Variants in MYOM3 observed in about 807,000 individuals in gnomAD.
MYOM3 encodes the protein myomesin-3.
Under a neutral mutation model 191.7 loss-of-function variants are expected in MYOM3, and 155 were observed. The ratio of observed to expected loss-of-function variants is 0.81; its 90% CI spans 0.71 to 0.92. The LOEUF is 0.92. MYOM3 is among the 40% of genes least tolerant of loss of function. The probability of loss-of-function intolerance (pLI) is 0.00; values close to 1 mark genes in which losing one functional copy is unlikely to be tolerated. For synonymous variants in MYOM3, 757 were observed against 762.9 expected (o/e 0.99, Z 0.13); for missense variants, 1,889 against 1,890.6 (o/e 1.00, Z 0.02).
chr1:24,074,330 C>A, intron 22 of MYOM3, 61 bp from the exon 23 acceptor site: 1 of 1,329,826 alleles, frequency 7.5e-7, no homozygotes. Context: ...GCACTAGAGG[C>A]CTGGGAGCCA....
chr1:24,093,439 A>G (rs553993739), intron 9 of MYOM3, among the ~76,000 whole-genome samples: 74 of 151,966 alleles, frequency 4.9e-4, no homozygotes, highest in Admixed American at 9.2e-4. Context: ...GGGTCCCTGT[A>G]TGGGGTCAGG....
intron 36 of MYOM3, 115 bp downstream of exon 36, chr1:24,058,809 A>T: frequency 1.3e-6 from 1 of 775,104 alleles, no homozygotes. Flanking sequence ...AGGTGTGGTC[A>T]CTTGGCCACT....
rs1184322208 is a variant in MYOM3 at position 24,097,814 on chromosome 1, A to G, written c.745+109T>C. On this transcript the variant is annotated intron_variant, in intron 7 of 36. Transcript: ENST00000374434. The stretch of plus-strand genomic sequence containing the variant: ...CTGGTCACCCAATGCCAGGCTGAAC[A>G]GCCTTGTGCCTATGGCCCTTCCTCA... 2.2e-5 allele frequency: 18 copies of G among 802,590 alleles called. No individual in the cohort carries two copies. In the East Asian group the frequency reaches 4.4e-4, roughly 20 times the overall value. 49.7% of individuals were successfully genotyped at this position (802,590 alleles called of 1,614,324 possible). A position where few individuals can be genotyped will look rare whatever the true frequency, so the allele number is the denominator to read the frequency against.
intron 27 of MYOM3, 87 bp downstream of exon 27, chr1:24,067,883 G>T: frequency 1.5e-6 from 2 of 1,331,936 alleles, no homozygotes; most frequent in Non-Finnish European, 1.1e-6. Flanking sequence ...GACCCAGCAG[G>T]GCTGGGGTTC....
intron 29 of MYOM3, chr1:24,064,418 C>G (rs1469348812): frequency 4.3e-6 from 2 of 467,372 alleles, no homozygotes; most frequent in African/African-American, 4.0e-5. Context: ...GAGTTGAGGA[C>G]AGAACCAGAC....
At chr1:24,108,227 T>C (rs1430155039) in intron 2 of MYOM3, 154 bp from the exon 3 acceptor site, 4 of 751,828 alleles carry the variant, frequency 5.3e-6, no homozygotes, top group East Asian at 2.8e-5. Context: ...CAAGGCTGCA[T>C]CCCCCCGACC....
intron 3 of MYOM3, 32 bp downstream of exon 3, chr1:24,107,961 C>A: frequency 6.3e-7 from 1 of 1,595,966 alleles, no homozygotes; most frequent in Non-Finnish European, 8.6e-7. Flanking sequence ...CCCTCCTCAG[C>A]CACGGCTCCC....
intron 11 of MYOM3, among the ~76,000 whole-genome samples, chr1:24,091,646 C>T (rs773704685): frequency 1.3e-5 from 2 of 152,174 alleles, no homozygotes; most frequent in African/African-American, 4.8e-5. Context: ...TCCCCCTCCC[C>T]TTTAGAGACG....
chr1:24,063,021 A>ACCAG lies in MYOM3; in HGVS notation c.3770+104_3770+105insCTGG. The ACCAG allele has an allele frequency of 1.1e-5, 1 of 90,660 alleles. No homozygotes were observed. The highest frequency in any genetic ancestry group is 1.3e-4 in the South Asian group (1 of 7,440). 5.6% of individuals were successfully genotyped at this position (90,660 alleles called of 1,614,324 possible). A position where few individuals can be genotyped will look rare whatever the true frequency, so the allele number is the denominator to read the frequency against. ...ACCAGGCTCTGCTTGGGGGACCAGA[A>ACCAG]ACTCTGCTTGGAGGACCAGGCAGGG... On this transcript the variant is annotated intron_variant, in intron 32 of 36. Transcript: ENST00000374434. The surrounding 1 kb of genome is among the most constrained non-coding windows in gnomAD (Gnocchi z 4.5).
chr1:24,072,851 G>A (rs896393063), intron 23 of MYOM3, among the ~76,000 whole-genome samples: 6 of 152,126 alleles, frequency 3.9e-5, no homozygotes, highest in South Asian at 2.1e-4. Flanking sequence ...CTGCTTCTTC[G>A]TGTTGCCTTT....
At chr1:24,079,336 G>A (rs540627043) in intron 20 of MYOM3, among the ~76,000 whole-genome samples, 153 of 151,778 alleles carry the variant, frequency 1.0e-3, no homozygotes, top group African/African-American at 3.6e-3. Flanking sequence ...GAGTAGCTGG[G>A]ACTACAGGTA....
Position 24,067,974 on chromosome 1 carries a change from T to C in MYOM3, c.3351A>G (p.Lys1117=). The change falls in exon 27 of 37, where the codon AAA becomes AAG. Residue 1117 remains lysine (K), a synonymous_variant. Transcript: ENST00000374434. ...ADAKRRDWKR[K]QGPYFERPLQ... ...CTTCACCCCAGCAGCTCTTACCCTG[T>C]TTTCTCTTCCAGTCCCTTCTCTTAG... 6.2e-7 allele frequency: 1 copy of C among 1,614,098 alleles called. No homozygotes were observed. The highest frequency in any genetic ancestry group is 8.5e-7 in the Non-Finnish European group (1 of 1,179,964).
chr1:24,070,824 A>C (rs2148545822), intron 25 of MYOM3, among the ~76,000 whole-genome samples: 1 of 152,238 alleles, frequency 6.6e-6, no homozygotes, highest in African/African-American at 2.4e-5. Context: ...TCATCTTAAG[A>C]ATGTCTGGTG....
chr1:24,057,634 G>A lies in MYOM3; in HGVS notation c.4051-7C>T, dbSNP rs1319664888. 6.2e-7 allele frequency: 1 copy of A among 1,612,870 alleles called. No individual in the cohort carries two copies. Among genetic ancestry groups the A allele is most frequent in the Non-Finnish European group, 8.5e-7 (1 of 1,179,172 alleles). ...TGCAAGTCAAGCACAGGGTCTGTTT[G>A]AAAAGACAGGAAGGGAACAGTCTCA... On this transcript the variant is annotated splice_polypyrimidine_tract_variant and splice_region_variant and intron_variant, in intron 36 of 36. Transcript: ENST00000374434.
chr1:24,109,793 C>T (rs1050910446), intron 1 of MYOM3, among the ~76,000 whole-genome samples: 13 of 152,238 alleles, frequency 8.5e-5, no homozygotes, highest in African/African-American at 2.9e-4. Context: ...CCTAGCCCAA[C>T]CCCTAGCCCT....
chr1:24,085,042 G>A (rs1487588564), intron 15 of MYOM3, among the ~76,000 whole-genome samples: 1 of 152,164 alleles, frequency 6.6e-6, no homozygotes, highest in African/African-American at 2.4e-5. Flanking sequence ...AGGGGCTGCT[G>A]TAACTTGTTA....
intron 1 of MYOM3, among the ~76,000 whole-genome samples, chr1:24,109,076 C>T (rs557721398): frequency 6.6e-6 from 1 of 152,208 alleles, no homozygotes; most frequent in South Asian, 2.1e-4. Flanking sequence ...GGCAGGCGTC[C>T]CCATTCTTCC....
Position 24,082,137 on chromosome 1 carries a change from T to A in MYOM3, c.2144A>T (p.Glu715Val). The change falls in exon 18 of 37, where the codon GAA (glutamate) becomes GTA (valine). Residue 715 changes from glutamate to valine, a missense_variant. Physicochemically the swap from Glu to Val is moderately radical, Grantham distance 121. Transcript: ENST00000374434. ...GGGGGGTTTCCACCCAATGACCATT[T>A]CATTCTTCCCGCAGTTCAGGAGGGC... is the stretch of plus-strand genomic sequence containing the variant. ...GFALLNCGKN[E>V]MVIGWKPPKR... 6.2e-7 allele frequency: 1 copy of A among 1,613,638 alleles called. No homozygotes were observed.
At chr1:24,110,601 GT>G (rs1217009366) in intron 1 of MYOM3, among the ~76,000 whole-genome samples, 30 of 152,126 alleles carry the variant, frequency 2.0e-4, no homozygotes, top group Non-Finnish European at 2.9e-5. Context: ...CCTTTTGGGT[GT>G]CTGCAGTTGT....
Sources: gnomAD v4.1 joint callset for allele counts (sites outside exome capture counted in the v4.1 genomes callset) on GRCh38, gnomAD v4.1.1 for gene constraint, Gnocchi (gnomAD v3.1) non-coding constraint, MANE v1.5 for transcripts, NCBI Gene and HGNC (gene_info 2026-07-23, HGNC 2026-07-21) for gene names.